Variants in HCK observed in about 807,000 individuals in gnomAD.
The protein encoded by HCK is tyrosine-protein kinase HCK.
In HCK, 40 loss-of-function variants were observed where a neutral mutation model predicts 70.4. The ratio of observed to expected loss-of-function variants is 0.57; its 90% CI spans 0.44 to 0.74. HCK has a LOEUF of 0.74. Ranked by LOEUF, HCK falls within the 30% of genes least tolerant of loss-of-function variation. The pLI, the probability that HCK is intolerant of heterozygous loss-of-function variation, is 0.00. For missense variants in HCK, 568 were observed against 697.2 expected, an observed-to-expected ratio of 0.81 and a Z score of 2.09; for synonymous variants, 245 against 263.2, an observed-to-expected ratio of 0.93 and a Z score of 0.67.
chr20:32,074,537 G>A (rs1469129818), intron 4 of HCK, 86 bp from the exon 5 acceptor site: 2 of 981,630 alleles, frequency 2.0e-6, no homozygotes, highest in Non-Finnish European at 3.3e-6. Context: ...GAGGCAGGGA[G>A]TTTTCTAGGT....
chr20:32,054,991 C>A (rs1035607546), intron 1 of HCK, among the ~76,000 whole-genome samples: 19 of 152,134 alleles, frequency 1.2e-4, no homozygotes, highest in Non-Finnish European at 2.5e-4. Context: ...CAGCAGGTAA[C>A]GACTCTACAG....
chr20:32,052,804 T>G lies in HCK; in HGVS notation c.62+318T>G, dbSNP rs1174019286. Among the ~76,000 whole-genome samples the G allele has an allele frequency of 1.9e-3, 233 of 121,756 alleles. 13 individuals carry two copies. The highest frequency in any genetic ancestry group is 4.0e-3 in the Middle Eastern group (1 of 250). The allele number at this position is 121,756 out of a possible 152,430, so 79.9% of individuals were successfully genotyped here. A position where few individuals can be genotyped will look rare whatever the true frequency, so the allele number is the denominator to read the frequency against. On this transcript the variant is annotated intron_variant, in intron 1 of 12. Transcript: ENST00000375852. ...TCTTGGGGGGGGGCGGGGATTTTTT[T>G]TTTAATTTAAAAAAGAAAAAGAAGG...
chr20:32,094,803 A>AGAGAAAGAGAAAG (rs879707876), intron 11 of HCK, among the ~76,000 whole-genome samples: 347 of 77,998 alleles, frequency 4.4e-3, no homozygotes, highest in South Asian at 0.012. Flanking sequence ...GAAAGAAAGA[A>AGAGAAAGAGAAAG]AGAAAGAAAG....
chr20:32,085,831 C>G (rs1021039777), intron 8 of HCK, among the ~76,000 whole-genome samples: 8 of 152,038 alleles, frequency 5.3e-5, no homozygotes, highest in African/African-American at 1.7e-4. Context: ...GTGACTGGCA[C>G]ATAAAAGGCA....
At chr20:32,094,815 A>AAGAGAGAGAAAGAGAAAG (rs1170437903) in intron 11 of HCK, among the ~76,000 whole-genome samples, 1 of 138,784 alleles carries the variant, frequency 7.2e-6, no homozygotes, top group South Asian at 2.3e-4. Flanking sequence ...GAAAGAAAGA[A>AAGAGAGAGAAAGAGAAAG]AGAAAGAAAG....
chr20:32,066,894 A>C (rs369134516), intron 1 of HCK, among the ~76,000 whole-genome samples: 1 of 152,216 alleles, frequency 6.6e-6, no homozygotes, highest in East Asian at 1.9e-4. Context: ...TGTATGGTTT[A>C]ATATTATAAG....
chr20:32,061,331 C>T (rs1460989864), intron 1 of HCK, among the ~76,000 whole-genome samples: 3 of 152,182 alleles, frequency 2.0e-5, no homozygotes, highest in Non-Finnish European at 4.4e-5. Context: ...GAGCCCTTGG[C>T]CAAAGTCTCT....
rs567235368 is a variant in HCK at position 32,088,547 on chromosome 20, C to T, written c.1016-21C>T. ...TTAAATAGTAAAAGTAGTAAATGTT[C>T]CTCCCCTCTCCCCCATATAGGAAGC... On this transcript the variant is annotated intron_variant, in intron 9 of 12. Coordinates refer to ENST00000375852, the MANE Select transcript of HCK (RefSeq NM_002110.5). 1.8e-4 allele frequency: 281 copies of T among 1,592,284 alleles called. 5 individuals carry two copies. The South Asian group carries it at 3.1e-3, about 18-fold the overall frequency.
At chr20:32,084,173 T>C (rs1247400943) in intron 7 of HCK, 130 bp downstream of exon 7, 2 of 1,146,834 alleles carry the variant, frequency 1.7e-6, no homozygotes, top group Admixed American at 2.6e-5. Context: ...TTGCTTTGGA[T>C]GCTTCTGAAG....
intron 11 of HCK, among the ~76,000 whole-genome samples, chr20:32,098,265 C>G (rs984291435): frequency 2.0e-5 from 3 of 152,018 alleles, no homozygotes; most frequent in African/African-American, 7.2e-5. Flanking sequence ...TTCCTGACCT[C>G]AGGTGATCCT....
At chr20:32,064,879 A>T (rs2045433560) in intron 1 of HCK, among the ~76,000 whole-genome samples, 2 of 152,220 alleles carry the variant, frequency 1.3e-5, no homozygotes, top group Admixed American at 1.3e-4. Context: ...GTTCCCAGGG[A>T]CGGCAGTGGC....
Position 32,099,093 on chromosome 20 carries a change from C to T in HCK, c.1336C>T (p.Leu446=), listed in dbSNP as rs750266748. ...GTCAGACGTCTGGTCCTTTGGTATC[C>T]TGCTGATGGAGATCGTCACCTACGG... Residue 446 remains leucine (L), a synonymous_variant, in exon 12 of 13, where the codon CTG becomes TTG. Coordinates refer to ENST00000375852, the MANE Select transcript of HCK (RefSeq NM_002110.5). 3 of 1,614,162 alleles carry T rather than the reference C, an allele frequency of 1.9e-6. No homozygotes were observed. The highest frequency in any genetic ancestry group is 2.5e-6 in the Non-Finnish European group (3 of 1,180,034).
chr20:32,063,992 C>CTT (rs58620860), intron 1 of HCK, among the ~76,000 whole-genome samples: 16 of 54,238 alleles, frequency 2.9e-4, no homozygotes, highest in Non-Finnish European at 3.4e-4. Flanking sequence ...ATCTCTACTT[C>CTT]TTTTTTTTTT....
At chr20:32,098,032 T>A (rs1350484566) in intron 11 of HCK, among the ~76,000 whole-genome samples, 1 of 130,668 alleles carries the variant, frequency 7.7e-6, no homozygotes, top group Non-Finnish European at 1.5e-5. Context: ...TCTATTTTTT[T>A]ATATTTTATT....
intron 1 of HCK, chr20:32,069,744 C>G: frequency 7.8e-7 from 1 of 1,275,144 alleles, no homozygotes; most frequent in Non-Finnish European, 1.0e-6. Context: ...CAGTTCCCAC[C>G]AGAAGAGGTA....
intron 1 of HCK, among the ~76,000 whole-genome samples, chr20:32,056,373 G>C (rs1026906219): frequency 6.6e-6 from 1 of 152,066 alleles, no homozygotes; most frequent in Non-Finnish European, 1.5e-5. Context: ...AAAATTAGCC[G>C]GGCATTGTGG....
intron 1 of HCK, chr20:32,069,850 G>A (rs1568973282): frequency 1.2e-5 from 10 of 857,516 alleles, no homozygotes; most frequent in South Asian, 1.1e-4. Flanking sequence ...ACAAATACAT[G>A]TTTATTTTAA....
chr20:32,065,427 A>G (rs1486754631), intron 1 of HCK, among the ~76,000 whole-genome samples: 1 of 152,180 alleles, frequency 6.6e-6, no homozygotes, highest in East Asian at 1.9e-4. Flanking sequence ...GACTGGAAAA[A>G]TCCTGAGGTG....
intron 5 of HCK, among the ~76,000 whole-genome samples, chr20:32,075,533 A>G (rs2045609504): frequency 6.6e-6 from 1 of 152,104 alleles, no homozygotes; most frequent in South Asian, 2.1e-4. Context: ...CGACAAGCAC[A>G]TGCTCATGAC....
Sources: allele counts gnomAD v4.1 joint callset (sites outside exome capture counted in the v4.1 genomes callset), GRCh38; gene constraint gnomAD v4.1.1; transcripts MANE v1.5; gene names NCBI Gene and HGNC (gene_info 2026-07-23, HGNC 2026-07-21).